Variants in CD99L2 observed in about 807,000 individuals in gnomAD.
The protein encoded by CD99L2 is CD99 molecule like 2, also known as CD99 antigen-like protein 2.
Under a neutral mutation model 27.3 loss-of-function variants are expected in CD99L2, and 24 were observed. The observed-to-expected ratio is 0.88, with a 90% CI of 0.64 to 1.24. The LOEUF is 1.24. Ranked by LOEUF, CD99L2 falls within the 50% of genes most tolerant of loss-of-function variation. The pLI, the probability that CD99L2 is intolerant of heterozygous loss-of-function variation, is 0.00. For synonymous variants in CD99L2, 97 were observed against 87.9 expected (o/e 1.10, Z -0.58); for missense variants, 255 against 221.6 (o/e 1.15, Z -0.96).
In CD99L2 at chrX:150,770,322, C is replaced by T. The variant is rs1196188934; in HGVS notation, c.703G>A (p.Val235Ile). 20 of 1,210,577 alleles carry T rather than the reference C, an allele frequency of 1.7e-5. No individual in the cohort carries two copies. The highest frequency in any genetic ancestry group is 2.2e-5 in the Admixed American group (1 of 45,914). Residue 235 changes from valine (V) to isoleucine (I), a missense_variant, in exon 10 of 11, where the codon GTA becomes ATA. By Grantham distance (29) the Val-to-Ile change is conservative. Coordinates refer to ENST00000370377, the MANE Select transcript of CD99L2 (RefSeq NM_031462.4). ...TTCTCACCTTGGGGTTCCTCACATA[C>T]CACGGCTTCCAGGTTCTCTCCCTTC... ...YVKGENLEAV[V>I]CEEPQVKYST...
intron 7 of CD99L2, among the ~76,000 whole-genome samples, chrX:150,788,108 C>T (rs1484052497): frequency 2.8e-5 from 3 of 108,007 alleles, no homozygotes; most frequent in African/African-American, 1.0e-4. Context: ...AAACTTCAGG[C>T]TGATATCATT....
At chrX:150,775,046 C>A (rs1557419215) in intron 9 of CD99L2, among the ~76,000 whole-genome samples, 1 of 112,383 alleles carries the variant, frequency 8.9e-6, no homozygotes, top group Non-Finnish European at 1.9e-5. Context: ...CTGTGTGTGT[C>A]GCCCTGGTCA....
intron 1 of CD99L2, among the ~76,000 whole-genome samples, chrX:150,888,175 C>G (rs1218020600): frequency 8.9e-6 from 1 of 111,784 alleles, no homozygotes; most frequent in Non-Finnish European, 1.9e-5. Flanking sequence ...AGACCATGAT[C>G]TAGGCATATA....
intron 9 of CD99L2, among the ~76,000 whole-genome samples, 157 bp downstream of exon 9, chrX:150,776,017 G>A (rs782056037): frequency 3.6e-5 from 4 of 112,015 alleles, no homozygotes; most frequent in Non-Finnish European, 3.8e-5. Context: ...TCTGTCCCCA[G>A]GGATTTCCAA....
chrX:150,885,233 T>C (rs2047389608), intron 1 of CD99L2, among the ~76,000 whole-genome samples: 1 of 111,436 alleles, frequency 9.0e-6, no homozygotes, highest in Admixed American at 9.6e-5. Context: ...CTCGACCTGG[T>C]CGGTGGTGAC....
intron 9 of CD99L2, among the ~76,000 whole-genome samples, chrX:150,774,108 G>A (rs1291814869): frequency 9.0e-6 from 1 of 111,723 alleles, no homozygotes; most frequent in Non-Finnish European, 1.9e-5. Context: ...CCATTTTGAG[G>A]ACATCTTTGG....
At chrX:150,806,528 G>A (rs1157975839) in intron 4 of CD99L2, among the ~76,000 whole-genome samples, 1 of 112,426 alleles carries the variant, frequency 8.9e-6, no homozygotes, top group Non-Finnish European at 1.9e-5. Flanking sequence ...GGTCTGCAGA[G>A]ACTCAGGAAT....
chrX:150,845,995 A>C (rs1302409321), intron 1 of CD99L2, among the ~76,000 whole-genome samples: 1 of 111,432 alleles, frequency 9.0e-6, no homozygotes, highest in Non-Finnish European at 1.9e-5. Context: ...GTTCGAGACC[A>C]GCCTGGGCAA....
chrX:150,776,512 C>G (rs1569565869), intron 8 of CD99L2, among the ~76,000 whole-genome samples: 1 of 111,966 alleles, frequency 8.9e-6, no homozygotes, highest in Non-Finnish European at 1.9e-5. Context: ...AAGGGCTTCA[C>G]TTTTGAGGAG....
intron 4 of CD99L2, among the ~76,000 whole-genome samples, chrX:150,802,566 A>G: frequency 1.0e-5 from 1 of 97,141 alleles, no homozygotes; most frequent in Non-Finnish European, 2.1e-5. Flanking sequence ...ACTCAGGCTC[A>G]AAAAAAAGAA....
intron 1 of CD99L2, among the ~76,000 whole-genome samples, chrX:150,832,286 T>A (rs1161738568): frequency 8.9e-5 from 10 of 112,511 alleles, no homozygotes; most frequent in African/African-American, 3.2e-4. Flanking sequence ...AATTAAACAA[T>A]CAACAGGTCA....
intron 2 of CD99L2, among the ~76,000 whole-genome samples, chrX:150,823,822 C>A (rs373903374): frequency 2.6e-4 from 29 of 109,982 alleles, no homozygotes; most frequent in East Asian, 1.4e-3. Context: ...CCTACTAATC[C>A]ATTCACCTAT....
chrX:150,838,729 T>G (rs1557421283), intron 1 of CD99L2, among the ~76,000 whole-genome samples: 1 of 105,947 alleles, frequency 9.4e-6, no homozygotes, highest in East Asian at 3.0e-4. Context: ...ACTTTTTGGG[T>G]TTTTTTGTAG....
At position 150,814,945 on chromosome X, in the gene CD99L2, G is replaced by T. The variant is rs1557420436; in HGVS notation, c.203-9C>A. 8.3e-7 allele frequency: 1 copy of T among 1,209,931 alleles called. No individual in the cohort carries two copies. The highest frequency in any genetic ancestry group is 2.2e-5 in the Admixed American group (1 of 45,860). On this transcript the variant is annotated splice_polypyrimidine_tract_variant and intron_variant, in intron 3 of 10. Transcript: ENST00000370377. Reference sequence around the variant, plus strand: ...CAAGTCCAATCCACTACCTTCAGTGGGCCCCAAAACATAAAGGAAACAGCC... The same window carrying T: ...CAAGTCCAATCCACTACCTTCAGTGTGCCCCAAAACATAAAGGAAACAGCC...
chrX:150,780,684 TAA>T (rs1199739068), intron 7 of CD99L2, among the ~76,000 whole-genome samples: 1 of 99,281 alleles, frequency 1.0e-5, no homozygotes. Flanking sequence ...CAGACCCCAG[TAA>T]AAAAAAAAAG....
At chrX:150,853,330 TG>T (rs1171722024) in intron 1 of CD99L2, among the ~76,000 whole-genome samples, 1 of 111,820 alleles carries the variant, frequency 8.9e-6, no homozygotes, top group Non-Finnish European at 1.9e-5. Flanking sequence ...TGTGTGGTGG[TG>T]GGGCAGCAAA....
Position 150,824,640 on chromosome X carries a change from G to A in CD99L2, c.130+6591C>T, listed in dbSNP as rs28657653. ...GGAGAAGAAGGAGGAGAAGAAGGAG[G>A]AGAAGAAGAAGAAGAAGAAGAAGAA... On this transcript the variant is annotated intron_variant, in intron 2 of 10. Transcript: ENST00000370377. Among the ~76,000 whole-genome samples, 500 of 64,630 alleles carry A rather than the reference G, an allele frequency of 7.7e-3. 5 individuals are homozygous for A. The highest frequency in any genetic ancestry group is 0.028 in the African/African-American group (468 of 16,662). 56.1% of individuals were successfully genotyped at this position (64,630 alleles called of 115,157 possible).
At chrX:150,832,067 C>T (rs1396770796) in intron 1 of CD99L2, among the ~76,000 whole-genome samples, 1 of 112,165 alleles carries the variant, frequency 8.9e-6, no homozygotes, top group Non-Finnish European at 1.9e-5. Context: ...CAGATATTTA[C>T]AGAACATTCC....
At chrX:150,788,626 C>A (rs1200912011) in intron 7 of CD99L2, among the ~76,000 whole-genome samples, 1 of 111,823 alleles carries the variant, frequency 8.9e-6, no homozygotes, top group East Asian at 2.8e-4. Flanking sequence ...CAACTATAAA[C>A]CTGGACAAAA....
Sources: gnomAD v4.1 joint callset for allele counts (sites outside exome capture counted in the v4.1 genomes callset) on GRCh38, gnomAD v4.1.1 for gene constraint, MANE v1.5 for transcripts, NCBI Gene and HGNC (gene_info 2026-07-23, HGNC 2026-07-21) for gene names.